Variants in FBXO28 observed in about 807,000 individuals in gnomAD.
FBXO28 encodes the protein F-box only protein 28.
FBXO28 carries 8 observed loss-of-function variants against 38.1 expected under a neutral mutation model. That is an observed-to-expected ratio of 0.21 (90% CI 0.12 to 0.38). The LOEUF is 0.38. Among genes scored for constraint, FBXO28 ranks in the 10% least tolerant of loss-of-function variants. The pLI is 1.00. For missense variants in FBXO28, 345 were observed against 460.6 expected, an observed-to-expected ratio of 0.75 and a Z score of 2.30; for synonymous variants, 168 against 173.8, an observed-to-expected ratio of 0.97 and a Z score of 0.26.
chr1:224,136,462 A>G (rs1044304869), intron 3 of FBXO28, among the ~76,000 whole-genome samples: 16 of 151,784 alleles, frequency 1.1e-4, no homozygotes, highest in African/African-American at 3.9e-4. Flanking sequence ...GGTAGCTCAC[A>G]CCTGTAATCC....
At position 224,143,200 on chromosome 1, in the gene FBXO28, CAG is replaced by C. The variant is rs1445182875; in HGVS notation, c.516+8991_516+8992del. Among the ~76,000 whole-genome samples, 4 of 131,502 alleles carry C rather than the reference CAG, an allele frequency of 3.0e-5. No homozygotes were observed. The East Asian group carries it at 8.7e-4, about 29-fold the overall frequency. 86.3% of individuals were successfully genotyped at this position (131,502 alleles called of 152,430 possible). On this transcript the variant is annotated intron_variant, in intron 3 of 4. Transcript: ENST00000366862. ...TGCCACTGCACTCCAGCCTGGGTGA[CAG>C]AGTGAGACTCTGTCTCAAAAAAAAA...
rs1656593898 is a variant in FBXO28, at chr1:224,114,407, C to A, written c.267+11C>A. ...AGCCAGCTCCGCCTGGTGAGGCCCC[C>A]GCAGAACTCCTGCCTCCCTCTCCCC... On this transcript the variant is annotated intron_variant, in intron 1 of 4. Coordinates refer to ENST00000366862, the MANE Select transcript of FBXO28 (RefSeq NM_015176.4). 6.4e-7 allele frequency: 1 copy of A among 1,551,356 alleles called. No homozygotes were observed. The highest frequency in any genetic ancestry group is 8.7e-7 in the Non-Finnish European group (1 of 1,144,226).
intron 3 of FBXO28, among the ~76,000 whole-genome samples, chr1:224,147,847 A>G (rs527457591): frequency 7.2e-6 from 1 of 139,594 alleles, no homozygotes; most frequent in East Asian, 2.1e-4. Context: ...AAAAAAAAAG[A>G]TTAAATCTAC....
intron 3 of FBXO28, among the ~76,000 whole-genome samples, chr1:224,136,539 T>C (rs555556356): frequency 1.7e-4 from 25 of 150,916 alleles, no homozygotes; most frequent in South Asian, 1.3e-3. Flanking sequence ...CTTGCTAACA[T>C]GGTGAAACCC....
At chr1:224,139,203 A>G (rs1276671991) in intron 3 of FBXO28, among the ~76,000 whole-genome samples, 1 of 151,808 alleles carries the variant, frequency 6.6e-6, no homozygotes, top group African/African-American at 2.4e-5. Context: ...CCATGAAGCT[A>G]TATTTCCCTG....
intron 1 of FBXO28, among the ~76,000 whole-genome samples, chr1:224,118,198 A>G (rs1419081853): frequency 2.0e-5 from 3 of 151,700 alleles, no homozygotes. Flanking sequence ...TGGTCCGCCC[A>G]CCTCAGCCTT....
At chr1:224,126,893 A>G (rs1166034746) in intron 1 of FBXO28, among the ~76,000 whole-genome samples, 8 of 152,212 alleles carry the variant, frequency 5.3e-5, no homozygotes, top group Non-Finnish European at 8.8e-5. Flanking sequence ...TTTATTCCCC[A>G]GAGGCACCAC....
At chr1:224,136,296 G>A (rs926940328) in intron 3 of FBXO28, among the ~76,000 whole-genome samples, 1 of 151,488 alleles carries the variant, frequency 6.6e-6, no homozygotes, top group Non-Finnish European at 1.5e-5. Context: ...TAAGGATGCG[G>A]CATTTAATTT....
intron 1 of FBXO28, among the ~76,000 whole-genome samples, chr1:224,118,670 G>A (rs1199937514): frequency 6.6e-6 from 1 of 152,118 alleles, no homozygotes; most frequent in Non-Finnish European, 1.5e-5. Flanking sequence ...GAGTGGGTTG[G>A]TTGGTAGGAA....
chr1:224,128,999 A>AAC (rs1387391170), intron 1 of FBXO28, among the ~76,000 whole-genome samples: 1 of 151,534 alleles, frequency 6.6e-6, no homozygotes, highest in Non-Finnish European at 1.5e-5. Flanking sequence ...AAAAAAAAAA[A>AAC]AAAACTATAT....
intron 4 of FBXO28, 100 bp downstream of exon 4, chr1:224,153,437 G>T: frequency 1.3e-6 from 1 of 784,154 alleles, no homozygotes; most frequent in African/African-American, 1.8e-5. Context: ...GTTAGTAGTT[G>T]TTTATTGGCA....
chr1:224,118,217 C>T (rs1304153644), intron 1 of FBXO28, among the ~76,000 whole-genome samples: 1 of 151,514 alleles, frequency 6.6e-6, no homozygotes, highest in African/African-American at 2.4e-5. Flanking sequence ...TTCCAAAGTG[C>T]TGGGATTACA....
chr1:224,125,033 AC>A (rs1656872269), intron 1 of FBXO28, among the ~76,000 whole-genome samples: 1 of 152,134 alleles, frequency 6.6e-6, no homozygotes, highest in African/African-American at 2.4e-5. Context: ...TGCTTCTTGA[AC>A]ATTTGAACAT....
intron 1 of FBXO28, among the ~76,000 whole-genome samples, chr1:224,118,078 CA>C (rs1198413712): frequency 6.6e-6 from 1 of 151,710 alleles, no homozygotes; most frequent in Non-Finnish European, 1.5e-5. Flanking sequence ...GGCTGGAATG[CA>C]GCGGCGTGAT....
In FBXO28 at chr1:224,158,259, G is replaced by A. The variant is rs940449788; in HGVS notation, c.*513G>A. The A allele has an allele frequency of 1.1e-5, 11 of 981,058 alleles. No homozygotes were observed. The highest frequency in any genetic ancestry group is 1.2e-5 in the Non-Finnish European group (10 of 825,752). The allele number at this position is 981,058 out of a possible 1,614,324, so 60.8% of individuals were successfully genotyped here. ...TAATGCTTTTTGGTATTGAAGTAAT[G>A]GGTAACTAAAATGGACTTCCATAGT... On this transcript the variant is annotated 3_prime_UTR_variant, in exon 5 of 5. Coordinates refer to ENST00000366862, the MANE Select transcript of FBXO28 (RefSeq NM_015176.4).
chr1:224,130,350 A>C (rs1657008834), intron 1 of FBXO28, 122 bp from the exon 2 acceptor site: 1 of 626,490 alleles, frequency 1.6e-6, no homozygotes, highest in East Asian at 2.9e-5. Flanking sequence ...TCAAAAAAAA[A>C]GATATATACA....
At position 224,118,275 on chromosome 1, in the gene FBXO28, A is replaced by G. The variant is rs145609583; in HGVS notation, c.267+3879A>G. ...AAAAAGGGTAAAAAATTTTTTTTCTATTTATTTAAAGTACAATATAAAAAG... is the reference window on the plus strand; with the variant it reads ...AAAAAGGGTAAAAAATTTTTTTTCTGTTTATTTAAAGTACAATATAAAAAG... On this transcript the variant is annotated intron_variant, in intron 1 of 4. Transcript: ENST00000366862. Among the ~76,000 whole-genome samples, 183 of 126,284 alleles carry G rather than the reference A, an allele frequency of 1.4e-3. 1 individual carries two copies. The highest frequency in any genetic ancestry group is 0.011 in the Admixed American group (117 of 11,132). The allele number at this position is 126,284 out of a possible 152,430, so 82.8% of individuals were successfully genotyped here.
intron 3 of FBXO28, among the ~76,000 whole-genome samples, chr1:224,146,303 A>AT (rs1472826534): frequency 2.6e-5 from 4 of 152,090 alleles, no homozygotes; most frequent in African/African-American, 9.6e-5. Flanking sequence ...TATGGAGGAA[A>AT]TTTTTTTAAA....
At chr1:224,144,354 A>G (rs1396516209) in intron 3 of FBXO28, among the ~76,000 whole-genome samples, 1 of 151,998 alleles carries the variant, frequency 6.6e-6, no homozygotes, top group Non-Finnish European at 1.5e-5. Flanking sequence ...ACAGCTACAC[A>G]GGAGACTGAA....
Sources: allele counts gnomAD v4.1 joint callset (sites outside exome capture counted in the v4.1 genomes callset), GRCh38; gene constraint gnomAD v4.1.1; transcripts MANE v1.5; gene names NCBI Gene and HGNC (gene_info 2026-07-23, HGNC 2026-07-21).